Variants in LMO2 observed in about 807,000 individuals in gnomAD.
LMO2 encodes the protein rhombotin-2.
Under a neutral mutation model 23.2 loss-of-function variants are expected in LMO2, and 20 were observed. That is an observed-to-expected ratio of 0.86 (90% CI 0.61 to 1.25). LMO2 has a LOEUF of 1.25. Ranked by LOEUF, LMO2 falls within the 50% of genes most tolerant of loss-of-function variation. The probability of loss-of-function intolerance (pLI) is 0.00; values close to 1 mark genes in which losing one functional copy is unlikely to be tolerated. For missense variants in LMO2, 270 were observed against 315.3 expected (o/e 0.86, Z 1.09); for synonymous variants, 123 against 130.2 (o/e 0.94, Z 0.38).
intron 2 of LMO2, among the ~76,000 whole-genome samples, chr11:33,878,126 A>G (rs1301723091): frequency 6.7e-6 from 1 of 149,818 alleles, no homozygotes; most frequent in East Asian, 2.0e-4. Context: ...CTGAAATTCT[A>G]TGTGTGATTC....
chr11:33,889,448 AAGC>A (rs910798795), intron 1 of LMO2, among the ~76,000 whole-genome samples: 5 of 152,188 alleles, frequency 3.3e-5, no homozygotes, highest in African/African-American at 1.2e-4. Context: ...GTGCCAGACA[AAGC>A]AGTCACACTA....
intron 2 of LMO2, among the ~76,000 whole-genome samples, chr11:33,871,870 AG>A (rs1318523494): frequency 5.3e-5 from 8 of 152,152 alleles, no homozygotes; most frequent in Non-Finnish European, 1.0e-4. Flanking sequence ...ATTTAATCTG[AG>A]GAGGCAGTAT....
chr11:33,861,647 T>A (rs1856585295), intron 5 of LMO2, among the ~76,000 whole-genome samples: 1 of 152,134 alleles, frequency 6.6e-6, no homozygotes, highest in Non-Finnish European at 1.5e-5. Context: ...TAAGTTAAGT[T>A]TGGGCCTGAG....
Position 33,864,654 on chromosome 11 carries a change from G to A in LMO2, c.412C>T (p.Arg138Trp), listed in dbSNP as rs771279974. ...LCGCRLGEVG[R>W]RLYYKLGRKL... is the part of the protein sequence containing the mutation. Reference sequence around the variant, plus strand: ...CGGCCCAGTTTGTAGTAGAGGCGCCGCCCCACCTCACCCAGCCGGCAGCCA... The same window carrying A: ...CGGCCCAGTTTGTAGTAGAGGCGCCACCCCACCTCACCCAGCCGGCAGCCA... The change falls in exon 5 of 6, where the codon CGG becomes TGG. Residue 138 changes from arginine (R) to tryptophan (W), a missense_variant. Physicochemically the swap from Arg to Trp is moderately radical, Grantham distance 101. Coordinates refer to ENST00000257818, the MANE Select transcript of LMO2 (RefSeq NM_005574.4). This position sits in a 1 kb window ranked among gnomAD's most constrained non-coding sequence, Gnocchi z 4.8. 36 of 1,613,718 alleles carry A rather than the reference G, an allele frequency of 2.2e-5. No individual in the cohort carries two copies. The highest frequency in any genetic ancestry group is 2.9e-5 in the Non-Finnish European group (34 of 1,180,026).
intron 2 of LMO2, among the ~76,000 whole-genome samples, chr11:33,872,367 A>C (rs991717025): frequency 1.3e-5 from 2 of 152,192 alleles, no homozygotes; most frequent in African/African-American, 4.8e-5. Flanking sequence ...CCTATTGCCT[A>C]AGTTATTGTG....
At position 33,859,594 on chromosome 11, in the gene LMO2, A is replaced by C. The variant is rs1321148267; in HGVS notation, c.465-19T>G. ...AAAAAGCCTGGGGCAAAAGAAAGAA[A>C]AGCTAAGAAGACAGTGAAAGGGACA... On this transcript the variant is annotated intron_variant, in intron 5 of 5. Transcript: ENST00000257818. 1.1e-5 allele frequency: 17 copies of C among 1,610,650 alleles called. No homozygotes were observed. Among genetic ancestry groups the C allele is most frequent in the Non-Finnish European group, 1.4e-5 (16 of 1,177,598 alleles).
Position 33,880,051 on chromosome 11 carries a change from T to C in LMO2, c.-272+1773A>G, listed in dbSNP as rs1857226789. On this transcript the variant is annotated intron_variant, in intron 2 of 5. Coordinates refer to ENST00000257818, the MANE Select transcript of LMO2 (RefSeq NM_005574.4). The surrounding 1 kb of genome is among the most constrained non-coding windows in gnomAD (Gnocchi z 4.3). ...CAAACAAATATTTGTACACCCATGTTCACAGCAGTACTATTCACAATAGCC... is the reference window on the plus strand; with the variant it reads ...CAAACAAATATTTGTACACCCATGTCCACAGCAGTACTATTCACAATAGCC... Among the ~76,000 whole-genome samples, 1 of 152,062 alleles carries C rather than the reference T, an allele frequency of 6.6e-6. No homozygotes were observed.
At chr11:33,881,657 G>T in intron 2 of LMO2, 167 bp downstream of exon 2, 1 of 334,418 alleles carries the variant, frequency 3.0e-6, no homozygotes, top group Non-Finnish European at 5.9e-6. Flanking sequence ...TTACAATTCC[G>T]CATTTTGTAA....
Position 33,864,467 on chromosome 11 carries a change from C to G in LMO2, c.464+135G>C, listed in dbSNP as rs2133690394. The stretch of plus-strand genomic sequence containing the variant: ...CTCAGCACAGGAGCTGAGACTCAGC[C>G]TCTGCAGTCTGACCTCTTTCTATAG... On this transcript the variant is annotated intron_variant, in intron 5 of 5. Transcript: ENST00000257818. The surrounding 1 kb of genome is among the most constrained non-coding windows in gnomAD (Gnocchi z 4.8). The G allele has an allele frequency of 7.5e-6, 5 of 664,714 alleles. No individual in the cohort carries two copies. In the Admixed American group the frequency reaches 8.2e-5, roughly 11 times the overall value. 41.2% of individuals were successfully genotyped at this position (664,714 alleles called of 1,614,324 possible). A position where few individuals can be genotyped will look rare whatever the true frequency, so the allele number is the denominator to read the frequency against.
chr11:33,880,206 T>TATATATATCATATATACACATG lies in LMO2; in HGVS notation c.-272+1596_-272+1617dup, dbSNP rs1565034619. Among the ~76,000 whole-genome samples the TATATATATCATATATACACATG allele has an allele frequency of 1.3e-3, 172 of 129,946 alleles. 13 individuals carry two copies. Among genetic ancestry groups the TATATATATCATATATACACATG allele is most frequent in the Admixed American group, 3.0e-3 (41 of 13,864 alleles). The allele number at this position is 129,946 out of a possible 152,430, so 85.2% of individuals were successfully genotyped here. On this transcript the variant is annotated intron_variant, in intron 2 of 5. Coordinates refer to ENST00000257818, the MANE Select transcript of LMO2 (RefSeq NM_005574.4). This position sits in a 1 kb window ranked among gnomAD's most constrained non-coding sequence, Gnocchi z 4.3. ...ATATATATATCATATATACACATGA[T>TATATATATCATATATACACATG]ATATATATCATATATACACATGATA...
At chr11:33,890,795 A>G (rs75753713) in intron 1 of LMO2, among the ~76,000 whole-genome samples, 2,745 of 152,232 alleles carry the variant, frequency 0.018, 86 homozygotes, top group East Asian at 0.056. Context: ...TATTTCTATT[A>G]TTTCTCACAA....
At chr11:33,882,745 C>T (rs1857315821) in intron 1 of LMO2, among the ~76,000 whole-genome samples, 1 of 152,144 alleles carries the variant, frequency 6.6e-6, no homozygotes, top group Non-Finnish European at 1.5e-5. Context: ...GATAAGAAAC[C>T]TCCTGAGATC....
intron 1 of LMO2, among the ~76,000 whole-genome samples, chr11:33,887,089 G>A (rs1438517768): frequency 6.6e-6 from 1 of 152,276 alleles, no homozygotes; most frequent in Non-Finnish European, 1.5e-5. Flanking sequence ...TGGAACCTGG[G>A]ACTCTTGTCA....
rs1856682614 is a variant in LMO2 at position 33,864,094 on chromosome 11, C to A, written c.464+508G>T. On this transcript the variant is annotated intron_variant, in intron 5 of 5. Coordinates refer to ENST00000257818, the MANE Select transcript of LMO2 (RefSeq NM_005574.4). This position sits in a 1 kb window ranked among gnomAD's most constrained non-coding sequence, Gnocchi z 4.8. ...TTTCTGCTCTTCGAAGACTGCCTTC[C>A]TGCTATGAGTCAATGCTTGGAGCTC... Among the ~76,000 whole-genome samples the A allele has an allele frequency of 6.6e-6, 1 of 152,220 alleles. No individual in the cohort carries two copies. Among genetic ancestry groups the A allele is most frequent in the African/African-American group, 2.4e-5 (1 of 41,450 alleles).
At chr11:33,870,636 G>C in intron 2 of LMO2, 1 of 928,978 alleles carries the variant, frequency 1.1e-6, no homozygotes, top group Non-Finnish European at 1.3e-6. Context: ...CGGGGCCGGG[G>C]CTCCTCTCAG....
At chr11:33,869,276 G>T in intron 4 of LMO2, 70 bp downstream of exon 4, 1 of 1,100,780 alleles carries the variant, frequency 9.1e-7, no homozygotes, top group Non-Finnish European at 1.1e-6. Flanking sequence ...GGCCGCCCGG[G>T]TCCCCCCGAC....
intron 2 of LMO2, among the ~76,000 whole-genome samples, chr11:33,872,057 G>C (rs143630579): frequency 6.6e-6 from 1 of 152,126 alleles, no homozygotes; most frequent in Non-Finnish European, 1.5e-5. Context: ...TTGAGAGGCC[G>C]AGGCGGGTGG....
In LMO2 at chr11:33,859,481, C is replaced by G; in HGVS notation, c.559G>C (p.Glu187Gln). The G allele has an allele frequency of 1.9e-6, 3 of 1,613,994 alleles. No individual in the cohort carries two copies. The highest frequency in any genetic ancestry group is 2.5e-6 in the Non-Finnish European group (3 of 1,179,908). The change falls in exon 6 of 6, where the codon GAA becomes CAA. Residue 187 changes from glutamate (E) to glutamine (Q), a missense_variant. Transcript: ENST00000257818. Reference protein sequence around the residue: ...MRVKDKVYHLECFKCAACQKH... With the variant: ...MRVKDKVYHLQCFKCAACQKH... ...TGACAGGCGGCGCATTTGAAACATTCCAGGTGATACACTTTGTCTTTCACC... is the reference window on the plus strand; with the variant it reads ...TGACAGGCGGCGCATTTGAAACATTGCAGGTGATACACTTTGTCTTTCACC...
rs78691779 is a variant in LMO2 at position 33,878,639 on chromosome 11, C to T, written c.-272+3185G>A. ...ACAAATTCCTCTCCAGTCTTCTCTG[C>T]TTCTCCAAATCTTGTCCAATGTGGA... On this transcript the variant is annotated intron_variant, in intron 2 of 5. Transcript: ENST00000257818. Among the ~76,000 whole-genome samples the T allele has an allele frequency of 6.5e-3, 993 of 152,326 alleles. 12 individuals carry two copies. The highest frequency in any genetic ancestry group is 0.021 in the African/African-American group (871 of 41,566).
Sources: allele counts gnomAD v4.1 joint callset (sites outside exome capture counted in the v4.1 genomes callset), GRCh38; gene constraint gnomAD v4.1.1; non-coding constraint Gnocchi (gnomAD v3.1); transcripts MANE v1.5; gene names NCBI Gene and HGNC (gene_info 2026-07-23, HGNC 2026-07-21).